The following LRRC49 variants were observed in gnomAD, a reference collection of about 807,000 sequenced individuals.
LRRC49 encodes the protein leucine-rich repeat-containing protein 49.
LRRC49 carries 50 observed loss-of-function variants against 83.3 expected under a neutral mutation model. That is an observed-to-expected ratio of 0.60 (90% CI 0.48 to 0.76). The LOEUF is 0.76. Among genes scored for constraint, LRRC49 ranks in the 30% least tolerant of loss-of-function variants. The probability of loss-of-function intolerance (pLI) is 0.00; values close to 1 mark genes in which losing one functional copy is unlikely to be tolerated. For synonymous variants in LRRC49, 286 were observed against 283.3 expected (o/e 1.01, Z -0.10); for missense variants, 704 against 809.1 (o/e 0.87, Z 1.58).
chr15:70,949,085 A>AT (rs1226437715), intron 8 of LRRC49, among the ~76,000 whole-genome samples: 3 of 152,030 alleles, frequency 2.0e-5, no homozygotes, highest in Admixed American at 6.6e-5. Flanking sequence ...TTCTTTTGAC[A>AT]TTTTTTCTAA....
At chr15:70,876,447 G>A (rs1425930189) in intron 2 of LRRC49, among the ~76,000 whole-genome samples, 1 of 152,174 alleles carries the variant, frequency 6.6e-6, no homozygotes, top group Non-Finnish European at 1.5e-5. Context: ...TAAATGCCAT[G>A]ATGGGCTATG....
At chr15:70,958,933 C>G (rs779165233) in intron 8 of LRRC49, among the ~76,000 whole-genome samples, 1 of 152,104 alleles carries the variant, frequency 6.6e-6, no homozygotes, top group Non-Finnish European at 1.5e-5. Context: ...TAGAACTTGC[C>G]TCAACCTTGT....
In LRRC49 at chr15:70,900,923, T is replaced by G. The variant is rs1208933587; in HGVS notation, c.195T>G (p.Gly65=). 6.4e-7 allele frequency: 1 copy of G among 1,554,576 alleles called. No homozygotes were observed. Among genetic ancestry groups the G allele is most frequent in the East Asian group, 2.2e-5 (1 of 44,506 alleles). Residue 65 remains glycine, a splice_region_variant and synonymous_variant, in exon 4 of 16, where the codon GGT becomes GGG. Transcript: ENST00000260382. ...DLERNYSSRQ[G]DHINLVSSSL... ...TAATTTGTATATCATTTTTAATAGGTGATCATATTAATTTGGTGAGCTCAT... is the reference window on the plus strand; with the variant it reads ...TAATTTGTATATCATTTTTAATAGGGGATCATATTAATTTGGTGAGCTCAT...
At chr15:70,936,905 T>C in intron 8 of LRRC49, 83 bp downstream of exon 8, 2 of 862,148 alleles carry the variant, frequency 2.3e-6, no homozygotes, top group Non-Finnish European at 3.8e-6. Flanking sequence ...GTAAATACCT[T>C]GGAGAATTTT....
intron 9 of LRRC49, among the ~76,000 whole-genome samples, chr15:70,966,479 C>CA (rs2036798823): frequency 6.6e-6 from 1 of 152,074 alleles, no homozygotes; most frequent in South Asian, 2.1e-4. Flanking sequence ...TTGCCAAAAT[C>CA]AGTATCGAAC....
chr15:70,915,179 T>C (rs2034715503), intron 6 of LRRC49, among the ~76,000 whole-genome samples: 1 of 152,226 alleles, frequency 6.6e-6, no homozygotes. Context: ...ATAGCAGATG[T>C]TGTACATGAT....
intron 4 of LRRC49, among the ~76,000 whole-genome samples, chr15:70,901,972 T>C (rs1409406210): frequency 1.3e-5 from 2 of 152,170 alleles, no homozygotes; most frequent in African/African-American, 4.8e-5. Context: ...TACCTTTAGC[T>C]TAGCAGTGCA....
At chr15:71,001,933 C>T (rs894095412) in intron 11 of LRRC49, among the ~76,000 whole-genome samples, 5 of 152,176 alleles carry the variant, frequency 3.3e-5, no homozygotes, top group Non-Finnish European at 5.9e-5. Context: ...CCTTGTGATC[C>T]GCCCACCTCG....
chr15:70,867,957 C>T (rs538624311), intron 1 of LRRC49, among the ~76,000 whole-genome samples: 1 of 152,240 alleles, frequency 6.6e-6, no homozygotes, highest in East Asian at 1.9e-4. Flanking sequence ...TTTGACACAT[C>T]GCAGATGCTC....
chr15:70,892,462 A>ATCTTCC, upstream of LRRC49: 1 of 1,533,068 alleles, frequency 6.5e-7, no homozygotes, highest in Non-Finnish European at 8.7e-7. Context: ...GCTCTTTGAT[A>ATCTTCC]TCTTCCTCCT....
intron 7 of LRRC49, among the ~76,000 whole-genome samples, chr15:70,923,611 AT>A (rs2035085942): frequency 6.6e-6 from 1 of 151,814 alleles, no homozygotes; most frequent in Admixed American, 6.6e-5. Context: ...TTTTCTGGTT[AT>A]TTTTCTTTGG....
intron 10 of LRRC49, among the ~76,000 whole-genome samples, chr15:70,982,614 C>A (rs2037443908): frequency 6.6e-6 from 1 of 151,938 alleles, no homozygotes; most frequent in Non-Finnish European, 1.5e-5. Context: ...AAGCCAGGCC[C>A]AAAACATTTT....
chr15:70,976,996 A>T (rs1447570019), intron 9 of LRRC49, among the ~76,000 whole-genome samples: 17 of 152,190 alleles, frequency 1.1e-4, no homozygotes, highest in Non-Finnish European at 2.2e-4. Flanking sequence ...ACTGCCTTTA[A>T]TAGAAGCTCA....
intron 7 of LRRC49, among the ~76,000 whole-genome samples, chr15:70,921,473 T>C (rs2035003868): frequency 6.6e-6 from 1 of 152,204 alleles, no homozygotes; most frequent in Non-Finnish European, 1.5e-5. Context: ...GTGGGTGGGT[T>C]TGTTGGTATT....
intron 11 of LRRC49, among the ~76,000 whole-genome samples, chr15:71,003,248 T>A (rs2038331171): frequency 1.3e-5 from 2 of 152,168 alleles, no homozygotes; most frequent in South Asian, 4.1e-4. Context: ...TGACTTATTC[T>A]TATGTAAAGA....
chr15:70,862,934 A>T (rs776274602), intron 1 of LRRC49, among the ~76,000 whole-genome samples: 10 of 152,152 alleles, frequency 6.6e-5, no homozygotes, highest in Non-Finnish European at 8.8e-5. Context: ...CCTGCTGCAA[A>T]CAATTGTTCA....
At chr15:70,955,899 G>T (rs1005672983) in intron 8 of LRRC49, among the ~76,000 whole-genome samples, 1 of 152,084 alleles carries the variant, frequency 6.6e-6, no homozygotes, top group African/African-American at 2.4e-5. Context: ...ATGTTTGTCA[G>T]TTGTGTATAT....
intron 8 of LRRC49, among the ~76,000 whole-genome samples, chr15:70,956,034 A>C (rs1414186142): frequency 2.0e-5 from 3 of 152,166 alleles, no homozygotes; most frequent in Non-Finnish European, 4.4e-5. Flanking sequence ...GCTTTTCATT[A>C]AGATTATTTC....
chr15:70,891,763 C>G (rs1034331920), upstream of LRRC49: 20 of 1,288,772 alleles, frequency 1.6e-5, no homozygotes, highest in Non-Finnish European at 1.9e-5. Context: ...AGATGAGGTG[C>G]CTTTCCCAAG....
Sources: allele counts gnomAD v4.1 joint callset (sites outside exome capture counted in the v4.1 genomes callset), GRCh38; gene constraint gnomAD v4.1.1; transcripts MANE v1.5; gene names NCBI Gene and HGNC (gene_info 2026-07-23, HGNC 2026-07-21).